The following STAG3 variants were observed in gnomAD, a reference collection of about 807,000 sequenced individuals.
STAG3 encodes STAG3 cohesin complex component.
In STAG3, 101 loss-of-function variants were observed where a neutral mutation model predicts 160.7. The ratio of observed to expected loss-of-function variants is 0.63; its 90% CI spans 0.54 to 0.74. The LOEUF (loss-of-function observed/expected upper bound fraction) is 0.74. STAG3 is among the 30% of genes least tolerant of loss of function. The pLI, the probability that STAG3 is intolerant of heterozygous loss-of-function variation, is 0.00. For synonymous variants in STAG3, 519 were observed against 585.0 expected (o/e 0.89, Z 1.63); for missense variants, 1,188 against 1,517.4 (o/e 0.78, Z 3.61).
intron 9 of STAG3, 36 bp from the exon 10 acceptor site, chr7:100,197,120 G>A: frequency 6.3e-7 from 1 of 1,591,836 alleles, no homozygotes; most frequent in Non-Finnish European, 8.6e-7. Flanking sequence ...TGGAGAGAGG[G>A]TGGCTCTAAG....
chr7:100,212,729 G>C (rs1272051565), intron 32 of STAG3: 1 of 152,132 alleles, frequency 6.6e-6, no homozygotes, highest in African/African-American at 2.4e-5. Context: ...CTAAGTGCTG[G>C]GATTACAGGT....
Position 100,197,775 on chromosome 7 carries a change from C to T in STAG3, c.1066-3C>T. ...CATTCTCCTGGTTTTCCCTCCTCAC[C>T]AGCACCGAGAAGTCCGCCTGAAGTG... On this transcript the variant is annotated splice_region_variant and splice_polypyrimidine_tract_variant and intron_variant, in intron 10 of 33. Coordinates refer to ENST00000615138, the MANE Select transcript of STAG3 (RefSeq NM_001282717.2). 1.2e-6 allele frequency: 2 copies of T among 1,613,050 alleles called. No homozygotes were observed. Among genetic ancestry groups the T allele is most frequent in the Non-Finnish European group, 1.7e-6 (2 of 1,179,214 alleles).
intron 31 of STAG3, 107 bp downstream of exon 31, chr7:100,211,646 T>C (rs563989777): frequency 6.9e-7 from 1 of 1,444,190 alleles, no homozygotes; most frequent in South Asian, 1.2e-5. Flanking sequence ...TGGACTTGTT[T>C]TAGCCACAGA....
At chr7:100,204,511 G>A in intron 26 of STAG3, 116 bp from the exon 27 acceptor site, 1 of 1,289,476 alleles carries the variant, frequency 7.8e-7, no homozygotes, top group South Asian at 1.5e-5. Context: ...AAGAGTAAAA[G>A]TAGTAGATGG....
chr7:100,213,365 GA>G, intron 32 of STAG3: 1 of 985,440 alleles, frequency 1.0e-6, no homozygotes, highest in African/African-American at 1.7e-5. Context: ...TGCAGGGAAG[GA>G]AAAAGAACAG....
rs1300408749 is a variant in STAG3, at chr7:100,201,350, A to G, written c.2219A>G (p.Gln740Arg). 2 of 1,613,996 alleles carry G rather than the reference A, an allele frequency of 1.2e-6. No individual in the cohort carries two copies. Among genetic ancestry groups the G allele is most frequent in the Admixed American group, 3.3e-5 (2 of 60,026 alleles). ...GTGGACACAGGAGAGGTTCCTCACC[A>G]GGTGAGTGGACAGGCTAGAGATGGG... ...KAVDTGEVPH[Q>R]VILPALTLVY... The change falls in exon 21 of 34, where the codon CAG becomes CGG. Residue 740 changes from glutamine (Q) to arginine (R), a missense_variant and splice_region_variant. Gln to Arg is a conservative substitution (Grantham distance 43). Transcript: ENST00000615138.
chr7:100,208,834 G>C (rs961523343), intron 29 of STAG3, among the ~76,000 whole-genome samples: 1 of 152,136 alleles, frequency 6.6e-6, no homozygotes, highest in Non-Finnish European at 1.5e-5. Flanking sequence ...GAATGCTGGC[G>C]GGGTGGGGAT....
At chr7:100,191,207 C>A (rs1800326327) in intron 8 of STAG3, among the ~76,000 whole-genome samples, 1 of 152,042 alleles carries the variant, frequency 6.6e-6, no homozygotes, top group Admixed American at 6.6e-5. Flanking sequence ...CCCTGCTCCC[C>A]CAGCAAGTTG....
intron 5 of STAG3, 29 bp downstream of exon 5, chr7:100,186,325 C>G (rs575560912): frequency 2.6e-6 from 4 of 1,567,076 alleles, no homozygotes; most frequent in Non-Finnish European, 3.5e-6. Context: ...CTTTCTAATT[C>G]CCAGCCTTTT....
intron 14 of STAG3, 129 bp from the exon 15 acceptor site, chr7:100,199,133 A>T (rs1800895847): frequency 6.5e-6 from 6 of 918,036 alleles, no homozygotes; most frequent in Non-Finnish European, 1.0e-5. Context: ...CTATCGAAAA[A>T]AAAAAAAAGA....
chr7:100,217,045 G>T (rs933403003), downstream of STAG3, among the ~76,000 whole-genome samples: 33 of 152,264 alleles, frequency 2.2e-4, no homozygotes, highest in African/African-American at 7.5e-4. Context: ...TGTGGTGATG[G>T]GCTGGGGGTT....
rs1801713583 is a variant in STAG3 at position 100,207,007 on chromosome 7, T to C, written c.3238+1623T>C. Among the ~76,000 whole-genome samples, 2 of 152,250 alleles carry C rather than the reference T, an allele frequency of 1.3e-5. No individual in the cohort carries two copies. The highest frequency in any genetic ancestry group is 2.4e-5 in the African/African-American group (1 of 41,468). On this transcript the variant is annotated intron_variant, in intron 29 of 33. Coordinates refer to ENST00000615138, the MANE Select transcript of STAG3 (RefSeq NM_001282717.2). This position sits in a 1 kb window ranked among gnomAD's most constrained non-coding sequence, Gnocchi z 4.0. ...TAATATGTGGCCTTTTATGTCCAGCTTCTTTCACTTAGTACAGTGTTTTCA... is the reference window on the plus strand; with the variant it reads ...TAATATGTGGCCTTTTATGTCCAGCCTCTTTCACTTAGTACAGTGTTTTCA...
chr7:100,195,783 G>A (rs956892871), intron 9 of STAG3, among the ~76,000 whole-genome samples: 6 of 152,296 alleles, frequency 3.9e-5, no homozygotes, highest in East Asian at 1.9e-4. Flanking sequence ...CTCACTGTGC[G>A]AAGGGCAGGG....
intron 5 of STAG3, among the ~76,000 whole-genome samples, chr7:100,186,975 G>T (rs750701990): frequency 6.6e-6 from 1 of 151,962 alleles, no homozygotes; most frequent in Non-Finnish European, 1.5e-5. Flanking sequence ...TCTCAGTCAG[G>T]TTGTATTATA....
intron 3 of STAG3, among the ~76,000 whole-genome samples, 180 bp from the exon 4 acceptor site, chr7:100,182,542 GA>G (rs1006907168): frequency 2.2e-4 from 33 of 151,716 alleles, no homozygotes; most frequent in African/African-American, 6.1e-4. Flanking sequence ...TTTTTTAAGG[GA>G]AAAAAATAAA....
At chr7:100,198,418 G>A in intron 12 of STAG3, 57 bp from the exon 13 acceptor site, 2 of 1,570,798 alleles carry the variant, frequency 1.3e-6, no homozygotes, top group Non-Finnish European at 8.8e-7. Context: ...TCTAGCCTTG[G>A]TTGTGCCAGA....
rs1469287625 is a variant in STAG3 at position 100,198,526 on chromosome 7, T to C, written c.1296T>C (p.Val432=). ...CGGATTGTGAGAGCGTCTACCCAGT[T>C]GTGTATGCCTCTCATCGAGGCCTGG... is the stretch of plus-strand genomic sequence containing the variant. ...TDADCESVYP[V]VYASHRGLAS... is the part of the protein sequence containing the mutation. Residue 432 remains valine (V), a synonymous_variant, in exon 13 of 34, where the codon GTT becomes GTC. Coordinates refer to ENST00000615138, the MANE Select transcript of STAG3 (RefSeq NM_001282717.2). 3 of 1,614,196 alleles carry C rather than the reference T, an allele frequency of 1.9e-6. No homozygotes were observed. Among genetic ancestry groups the C allele is most frequent in the Non-Finnish European group, 2.5e-6 (3 of 1,180,032 alleles).
At chr7:100,211,412 C>T (rs780393156) in intron 30 of STAG3, 23 bp from the exon 31 acceptor site, 3 of 1,609,952 alleles carry the variant, frequency 1.9e-6, no homozygotes, top group African/African-American at 1.3e-5. Context: ...TTTATCCCAT[C>T]ATTGATCCTG....
chr7:100,216,718 T>C (rs1378796820), downstream of STAG3, among the ~76,000 whole-genome samples: 1 of 151,962 alleles, frequency 6.6e-6, no homozygotes, highest in Non-Finnish European at 1.5e-5. Context: ...GGAGAATCGC[T>C]TGAATTTGGG....
Sources: allele counts gnomAD v4.1 joint callset (sites outside exome capture counted in the v4.1 genomes callset), GRCh38; gene constraint gnomAD v4.1.1; non-coding constraint Gnocchi (gnomAD v3.1); transcripts MANE v1.5; gene names NCBI Gene and HGNC (gene_info 2026-07-23, HGNC 2026-07-21).